The following SEMA5A variants were observed in gnomAD, a reference collection of about 807,000 sequenced individuals.
SEMA5A encodes the protein semaphorin-5A.
SEMA5A carries 55 observed loss-of-function variants against 135.5 expected under a neutral mutation model. That is an observed-to-expected ratio of 0.41 (90% CI 0.33 to 0.51). SEMA5A has a LOEUF of 0.51. Among genes scored for constraint, SEMA5A ranks in the 20% least tolerant of loss-of-function variants. The pLI is 0.37. For missense variants in SEMA5A, 1,290 were observed against 1,419.9 expected (o/e 0.91, Z 1.47); for synonymous variants, 580 against 546.5 (o/e 1.06, Z -0.85).
At chr5:9,421,067 C>T (rs1008409219) in intron 2 of SEMA5A, among the ~76,000 whole-genome samples, 3 of 152,138 alleles carry the variant, frequency 2.0e-5, no homozygotes, top group African/African-American at 7.2e-5. Context: ...AATCTTCATA[C>T]TTTTGCAAGC....
chr5:9,270,181 C>T (rs531668642), intron 5 of SEMA5A, among the ~76,000 whole-genome samples: 1 of 152,242 alleles, frequency 6.6e-6, no homozygotes, highest in South Asian at 2.1e-4. Flanking sequence ...TGGTAGACAA[C>T]ACTCTCCTCG....
chr5:9,201,952 T>C lies in SEMA5A; in HGVS notation c.932+3A>G, dbSNP rs1204729886. 1.2e-6 allele frequency: 2 copies of C among 1,612,488 alleles called. No homozygotes were observed. The highest frequency in any genetic ancestry group is 1.3e-5 in the African/African-American group (1 of 75,004). On this transcript the variant is annotated splice_donor_region_variant and intron_variant, in intron 9 of 22. Coordinates refer to ENST00000382496, the MANE Select transcript of SEMA5A (RefSeq NM_003966.3). The stretch of plus-strand genomic sequence containing the variant: ...GGGAGAAAAATTATTTCAAGTTACA[T>C]ACACATTGGTGGTAAAGATGCCATA...
intron 1 of SEMA5A, chr5:9,523,278 A>G (rs462652): frequency 0.34 from 51,466 of 151,964 alleles, 8,920 homozygotes; most frequent in East Asian, 0.41. Flanking sequence ...CCAGAGCCTT[A>G]TCCTATCACA....
At chr5:9,057,638 C>T (rs2150056028) in intron 18 of SEMA5A, among the ~76,000 whole-genome samples, 1 of 152,314 alleles carries the variant, frequency 6.6e-6, no homozygotes, top group East Asian at 1.9e-4. Context: ...GAAACATTCC[C>T]ACTTGGGAGT....
In SEMA5A at chr5:9,224,764, C is replaced by T; in HGVS notation, c.556G>A (p.Asp186Asn). The change falls in exon 8 of 23, where the codon GAT (aspartate) becomes AAT (asparagine). Residue 186 changes from aspartate (D) to asparagine (N), a missense_variant. Physicochemically the swap from Asp to Asn is conservative, Grantham distance 23 (BLOSUM62 1). Coordinates refer to ENST00000382496, the MANE Select transcript of SEMA5A (RefSeq NM_003966.3). ...GGELYAATAM[D>N]FPGRDPAIYR... is the part of the protein sequence containing the mutation. ...ATGGCAGGATCACGTCCTGGAAAAT[C>T]CATGGCTGTAGCAGCATAGAGCTCC... 1 of 1,614,116 alleles carries T rather than the reference C, an allele frequency of 6.2e-7. No individual in the cohort carries two copies. Among genetic ancestry groups the T allele is most frequent in the Non-Finnish European group, 8.5e-7 (1 of 1,180,020 alleles).
intron 1 of SEMA5A, among the ~76,000 whole-genome samples, chr5:9,458,213 C>G (rs1758920830): frequency 6.6e-6 from 1 of 152,150 alleles, no homozygotes; most frequent in South Asian, 2.1e-4. Flanking sequence ...GGCCCAGCAT[C>G]TCTCCTTTTA....
At chr5:9,299,884 A>G (rs1310607000) in intron 5 of SEMA5A, among the ~76,000 whole-genome samples, 1 of 152,204 alleles carries the variant, frequency 6.6e-6, no homozygotes, top group Non-Finnish European at 1.5e-5. Context: ...GAGATGTAAC[A>G]GAAGAGTTTT....
chr5:9,464,783 G>A (rs766139844), intron 1 of SEMA5A, among the ~76,000 whole-genome samples: 3 of 152,168 alleles, frequency 2.0e-5, no homozygotes, highest in Non-Finnish European at 4.4e-5. Flanking sequence ...ACAAAGGATT[G>A]CTCGCTGTGT....
intron 21 of SEMA5A, among the ~76,000 whole-genome samples, chr5:9,049,960 C>T (rs1269619667): frequency 6.6e-6 from 1 of 152,132 alleles, no homozygotes; most frequent in African/African-American, 2.4e-5. Flanking sequence ...AAGCTAGCTG[C>T]CATGGATTTG....
chr5:9,293,097 C>T (rs535754544), intron 5 of SEMA5A, among the ~76,000 whole-genome samples: 1 of 152,238 alleles, frequency 6.6e-6, no homozygotes, highest in Non-Finnish European at 1.5e-5. Context: ...ACACTGAATA[C>T]CTTGTGATGG....
chr5:9,309,512 C>T (rs1028428730), intron 5 of SEMA5A, among the ~76,000 whole-genome samples: 1 of 151,956 alleles, frequency 6.6e-6, no homozygotes, highest in Non-Finnish European at 1.5e-5. Flanking sequence ...ATGGCATGAT[C>T]CTTTGCATGA....
intron 16 of SEMA5A, among the ~76,000 whole-genome samples, chr5:9,092,934 T>A (rs1739115021): frequency 6.6e-6 from 1 of 152,220 alleles, no homozygotes; most frequent in African/African-American, 2.4e-5. Context: ...GAAAAAAATA[T>A]TGTCCCTGAT....
At chr5:9,330,737 G>A (rs540416828) in intron 4 of SEMA5A, among the ~76,000 whole-genome samples, 1 of 152,266 alleles carries the variant, frequency 6.6e-6, no homozygotes, top group African/African-American at 2.4e-5. Context: ...AGAACAAGTA[G>A]AAGAAAGAGA....
At chr5:9,294,190 ATCGTCACC>A (rs1163071103) in intron 5 of SEMA5A, among the ~76,000 whole-genome samples, 1 of 152,134 alleles carries the variant, frequency 6.6e-6, no homozygotes, top group Non-Finnish European at 1.5e-5. Context: ...CTTCCGGTAC[ATCGTCACC>A]TCCCCTCTCA....
Position 9,054,105 on chromosome 5 carries a change from T to C in SEMA5A, c.2671A>G (p.Asn891Asp), listed in dbSNP as rs750065685. The C allele has an allele frequency of 6.2e-7, 1 of 1,611,710 alleles. No homozygotes were observed. The highest frequency in any genetic ancestry group is 8.5e-7 in the Non-Finnish European group (1 of 1,179,134). The change falls in exon 19 of 23, where the codon AAC becomes GAC. Residue 891 changes from asparagine (N) to aspartate (D), a missense_variant. This residue lies in a region of SEMA5A where 1,029 missense variants were observed against 1,086.6 expected (regional missense o/e 0.95). Transcript: ENST00000382496. ...CGCTTACCTGGGCAGGGCTGCGTGT[T>C]GCAGAGTGCCTCTTCTGTGTGCAGC... is the stretch of plus-strand genomic sequence containing the variant. ...LGLHTEEALCNTQPCPESWSE... is the reference protein window; with the variant it reads ...LGLHTEEALCDTQPCPESWSE...
intron 20 of SEMA5A, among the ~76,000 whole-genome samples, chr5:9,051,397 A>T (rs1736568047): frequency 2.6e-5 from 4 of 152,316 alleles, no homozygotes; most frequent in Admixed American, 2.6e-4. Flanking sequence ...TTACCATGAG[A>T]AGCTGGTTGA....
At chr5:9,085,057 G>A (rs972304698) in intron 16 of SEMA5A, among the ~76,000 whole-genome samples, 1 of 152,156 alleles carries the variant, frequency 6.6e-6, no homozygotes, top group African/African-American at 2.4e-5. Context: ...TTGAAGTTGA[G>A]GGAGATGATT....
At chr5:9,429,080 A>C (rs1285141297) in intron 2 of SEMA5A, among the ~76,000 whole-genome samples, 1 of 152,178 alleles carries the variant, frequency 6.6e-6, no homozygotes, top group African/African-American at 2.4e-5. Flanking sequence ...GGTGTGACTT[A>C]ATTCATCCGG....
chr5:9,045,549 A>T (rs1736204933), intron 21 of SEMA5A, among the ~76,000 whole-genome samples: 1 of 152,108 alleles, frequency 6.6e-6, no homozygotes, highest in African/African-American at 2.4e-5. Context: ...TATTATAAGC[A>T]CTTTCTCCCG....
Sources: gnomAD v4.1 joint callset for allele counts (sites outside exome capture counted in the v4.1 genomes callset) on GRCh38, gnomAD v4.1.1 for gene constraint, gnomAD v4.1.1 regional missense constraint, MANE v1.5 for transcripts, NCBI Gene and HGNC (gene_info 2026-07-23, HGNC 2026-07-21) for gene names.